The following SLC39A11 variants were observed in gnomAD, a reference collection of about 807,000 sequenced individuals.
SLC39A11 encodes the protein zinc transporter ZIP11.
SLC39A11 carries 33 observed loss-of-function variants against 36.1 expected under a neutral mutation model. The observed-to-expected ratio is 0.91, with a 90% CI of 0.69 to 1.22. SLC39A11 has a LOEUF of 1.22. Ranked by LOEUF, SLC39A11 falls within the 50% of genes most tolerant of loss-of-function variation. The pLI, the probability that SLC39A11 is intolerant of heterozygous loss-of-function variation, is 0.00. For synonymous variants in SLC39A11, 166 were observed against 170.3 expected (o/e 0.97, Z 0.20); for missense variants, 432 against 430.3 (o/e 1.00, Z -0.03).
intron 7 of SLC39A11, among the ~76,000 whole-genome samples, chr17:72,663,445 A>G (rs2070571278): frequency 6.6e-6 from 1 of 152,240 alleles, no homozygotes; most frequent in South Asian, 2.1e-4. Flanking sequence ...CATCCCGATC[A>G]AGAAACGGAA....
intron 5 of SLC39A11, among the ~76,000 whole-genome samples, chr17:72,865,093 A>G (rs76983243): frequency 0.011 from 1,713 of 152,336 alleles, 49 homozygotes; most frequent in African/African-American, 0.036. Flanking sequence ...TGCAGGTACA[A>G]GTTTGCAACA....
chr17:72,737,745 C>G (rs1290030831), intron 6 of SLC39A11, among the ~76,000 whole-genome samples: 1 of 152,260 alleles, frequency 6.6e-6, no homozygotes, highest in East Asian at 1.9e-4. Context: ...GAACATCTTT[C>G]CCAGCATCCC....
intron 4 of SLC39A11, among the ~76,000 whole-genome samples, chr17:73,025,006 G>A (rs983449497): frequency 9.3e-5 from 14 of 151,184 alleles, no homozygotes; most frequent in African/African-American, 1.9e-4. Flanking sequence ...ATGAGCTACC[G>A]CGCCTGGCCA....
intron 6 of SLC39A11, among the ~76,000 whole-genome samples, chr17:72,766,329 T>A (rs1034814643): frequency 1.3e-5 from 2 of 152,182 alleles, no homozygotes; most frequent in Non-Finnish European, 2.9e-5. Flanking sequence ...CAAAGGGGTA[T>A]ATACTTAGAA....
chr17:73,025,141 A>T (rs547116817), intron 4 of SLC39A11, among the ~76,000 whole-genome samples: 11 of 152,302 alleles, frequency 7.2e-5, no homozygotes, highest in Admixed American at 4.6e-4. Context: ...AGATAAATTA[A>T]GGCAGGAGCT....
chr17:72,979,614 G>A (rs1298875352), intron 4 of SLC39A11, among the ~76,000 whole-genome samples: 1 of 152,140 alleles, frequency 6.6e-6, no homozygotes, highest in Non-Finnish European at 1.5e-5. Flanking sequence ...CCTGATGTGT[G>A]AAGCGCCACA....
At chr17:72,853,066 G>A (rs1000403251) in intron 5 of SLC39A11, among the ~76,000 whole-genome samples, 4 of 152,142 alleles carry the variant, frequency 2.6e-5, no homozygotes, top group African/African-American at 7.2e-5. Flanking sequence ...CCAGGCTAGA[G>A]TGCAGTGGCA....
chr17:72,702,350 C>T (rs1215803272), intron 7 of SLC39A11, among the ~76,000 whole-genome samples: 2 of 152,024 alleles, frequency 1.3e-5, no homozygotes, highest in Admixed American at 6.6e-5. Flanking sequence ...TCAACCAGGC[C>T]AATTTGGACC....
chr17:73,011,146 C>T (rs1028546831), intron 4 of SLC39A11, among the ~76,000 whole-genome samples: 1 of 152,136 alleles, frequency 6.6e-6, no homozygotes, highest in Admixed American at 6.5e-5. Context: ...CAAAATGAAA[C>T]CAAGATATGG....
Position 73,033,781 on chromosome 17 carries a change from C to A in SLC39A11, c.148-2067G>T, listed in dbSNP as rs1307020214. ...TTGCCTTAAAAAATCATCTGCATCA[C>A]CCATCTTCAAAATAACACTCAGAGT... On this transcript the variant is annotated intron_variant, in intron 3 of 9. Coordinates refer to ENST00000255559, the MANE Select transcript of SLC39A11 (RefSeq NM_139177.4). Among the ~76,000 whole-genome samples, 3 of 152,282 alleles carry A rather than the reference C, an allele frequency of 2.0e-5. No individual in the cohort carries two copies. The East Asian group carries it at 5.8e-4, about 29-fold the overall frequency.
At chr17:72,826,208 A>G (rs1598889520) in intron 6 of SLC39A11, among the ~76,000 whole-genome samples, 1 of 152,204 alleles carries the variant, frequency 6.6e-6, no homozygotes, top group Non-Finnish European at 1.5e-5. Context: ...TTCTCATGAG[A>G]CCTGGTTGTT....
chr17:72,804,198 A>G lies in SLC39A11; in HGVS notation c.601+45436T>C, dbSNP rs377607219. Reference sequence around the variant, plus strand: ...TTTTTAGTAGAGACGGGGTTTCACCATGTTAGCCAGGATGTAAACACTATC... The same window carrying G: ...TTTTTAGTAGAGACGGGGTTTCACCGTGTTAGCCAGGATGTAAACACTATC... On this transcript the variant is annotated intron_variant, in intron 6 of 9. Coordinates refer to ENST00000255559, the MANE Select transcript of SLC39A11 (RefSeq NM_139177.4). Among the ~76,000 whole-genome samples the G allele has an allele frequency of 2.0e-3, 297 of 152,226 alleles. 1 individual carries two copies. The highest frequency in any genetic ancestry group is 6.7e-3 in the African/African-American group (277 of 41,538).
intron 6 of SLC39A11, among the ~76,000 whole-genome samples, chr17:72,796,138 C>T (rs904778131): frequency 6.6e-6 from 1 of 152,158 alleles, no homozygotes; most frequent in Admixed American, 6.5e-5. Flanking sequence ...GAGGATGAAG[C>T]CCTGGGCTGA....
chr17:72,950,710 T>C lies in SLC39A11; in HGVS notation c.307-2835A>G, dbSNP rs2085798511. On this transcript the variant is annotated intron_variant, in intron 4 of 9. Coordinates refer to ENST00000255559, the MANE Select transcript of SLC39A11 (RefSeq NM_139177.4). ...TCATTACAGAAGAAATGCCGCAGCATTAATACGCATTAAGCTGCAACTGTG... is the reference window on the plus strand; with the variant it reads ...TCATTACAGAAGAAATGCCGCAGCACTAATACGCATTAAGCTGCAACTGTG... Among the ~76,000 whole-genome samples, 4 of 152,290 alleles carry C rather than the reference T, an allele frequency of 2.6e-5. No homozygotes were observed. The South Asian group carries it at 8.3e-4, about 32-fold the overall frequency.
At chr17:72,819,395 T>A (rs545631196) in intron 6 of SLC39A11, among the ~76,000 whole-genome samples, 1 of 151,342 alleles carries the variant, frequency 6.6e-6, no homozygotes, top group African/African-American at 2.4e-5. Context: ...ATGCCTGGCC[T>A]CCAGAACTGT....
chr17:72,724,739 A>T (rs2073851903), intron 7 of SLC39A11, among the ~76,000 whole-genome samples: 1 of 152,126 alleles, frequency 6.6e-6, no homozygotes, highest in East Asian at 1.9e-4. Flanking sequence ...ACTTTCATGG[A>T]AAGGGTGGTA....
chr17:72,999,030 C>CGATGACAATGAA (rs1296639015), intron 4 of SLC39A11, among the ~76,000 whole-genome samples: 21 of 152,058 alleles, frequency 1.4e-4, no homozygotes, highest in African/African-American at 5.1e-4. Context: ...AGGACAAGGA[C>CGATGACAATGAA]GATGACAATG....
chr17:73,084,504 AAGT>A (rs1215734538), intron 3 of SLC39A11, among the ~76,000 whole-genome samples: 1 of 151,480 alleles, frequency 6.6e-6, no homozygotes, highest in Non-Finnish European at 1.5e-5. Flanking sequence ...GGGGAGGAAA[AAGT>A]ATATTTAGTT....
intron 5 of SLC39A11, among the ~76,000 whole-genome samples, chr17:72,908,771 G>A (rs906343866): frequency 5.8e-4 from 89 of 152,208 alleles, no homozygotes; most frequent in African/African-American, 2.1e-3. Flanking sequence ...AACTGCCAGG[G>A]TGGCAAATCC....
Sources: gnomAD v4.1 joint callset for allele counts (sites outside exome capture counted in the v4.1 genomes callset) on GRCh38, gnomAD v4.1.1 for gene constraint, MANE v1.5 for transcripts, NCBI Gene and HGNC (gene_info 2026-07-23, HGNC 2026-07-21) for gene names.